Variants in SETBP1 observed in about 807,000 individuals in gnomAD.
The protein encoded by SETBP1 is SET binding protein 1, also known as SET-binding protein.
Under a neutral mutation model 101.0 loss-of-function variants are expected in SETBP1, and 9 were observed. The ratio of observed to expected loss-of-function variants is 0.09; its 90% CI spans 0.05 to 0.16. SETBP1 has a LOEUF of 0.16. SETBP1 is among the 10% of genes least tolerant of loss of function. The probability of loss-of-function intolerance (pLI) is 1.00; values close to 1 mark genes in which losing one functional copy is unlikely to be tolerated. For synonymous variants in SETBP1, 818 were observed against 788.5 expected, an observed-to-expected ratio of 1.04 and a Z score of -0.63; for missense variants, 1,858 against 2,033.8, an observed-to-expected ratio of 0.91 and a Z score of 1.66.
intron 2 of SETBP1, among the ~76,000 whole-genome samples, chr18:44,811,846 T>G (rs765088708): frequency 3.9e-5 from 6 of 152,208 alleles, no homozygotes; most frequent in Non-Finnish European, 5.9e-5. Context: ...AGATCAGAAT[T>G]CTTGAGGTGG....
chr18:45,054,434 C>A (rs188660151), intron 5 of SETBP1, among the ~76,000 whole-genome samples: 22 of 152,302 alleles, frequency 1.4e-4, no homozygotes, highest in Admixed American at 2.6e-4. Flanking sequence ...AATCCACCCA[C>A]CTCAGCCTCC....
intron 1 of SETBP1, among the ~76,000 whole-genome samples, chr18:44,684,873 C>T (rs1052930752): frequency 2.2e-4 from 34 of 152,098 alleles, no homozygotes; most frequent in Non-Finnish European, 4.4e-4. Context: ...TCTTGAACTC[C>T]GGACATCAGG....
chr18:44,859,796 G>T (rs1192068493), intron 2 of SETBP1, among the ~76,000 whole-genome samples: 4 of 152,080 alleles, frequency 2.6e-5, no homozygotes, highest in African/African-American at 7.2e-5. Flanking sequence ...TATTTTTCCT[G>T]CAACTTTTAC....
intron 3 of SETBP1, chr18:44,869,509 T>C (rs1214707428): frequency 1.8e-6 from 1 of 561,100 alleles, no homozygotes; most frequent in Non-Finnish European, 3.2e-6. Context: ...TAATATTCTA[T>C]AGGAGAAAAA....
chr18:44,752,067 C>T (rs560646952), intron 2 of SETBP1, among the ~76,000 whole-genome samples: 35 of 152,196 alleles, frequency 2.3e-4, no homozygotes, highest in African/African-American at 7.7e-4. Context: ...TTTCAACATA[C>T]GGATTCTGGA....
intron 2 of SETBP1, among the ~76,000 whole-genome samples, chr18:44,790,073 G>A (rs1420286223): frequency 6.6e-6 from 1 of 152,106 alleles, no homozygotes; most frequent in African/African-American, 2.4e-5. Context: ...GGTAGCTGCT[G>A]CACAGATTAC....
At position 44,876,733 on chromosome 18, in the gene SETBP1, G is replaced by A. The variant is rs781051739; in HGVS notation, c.540+7450G>A. 12 of 1,540,254 alleles carry A rather than the reference G, an allele frequency of 7.8e-6. No individual in the cohort carries two copies. The South Asian group carries it at 8.5e-5, about 11-fold the overall frequency. ...TCTTCCTTTTCACAGTGAACCTGCAGTCTGGGCACAAGAAGTATAACTTCG... is the reference window on the plus strand; with the variant it reads ...TCTTCCTTTTCACAGTGAACCTGCAATCTGGGCACAAGAAGTATAACTTCG... On this transcript the variant is annotated intron_variant, in intron 3 of 5. Coordinates refer to ENST00000649279, the MANE Select transcript of SETBP1 (RefSeq NM_015559.3).
At chr18:45,012,430 G>A (rs569379757) in intron 4 of SETBP1, among the ~76,000 whole-genome samples, 1 of 152,248 alleles carries the variant, frequency 6.6e-6, no homozygotes, top group East Asian at 1.9e-4. Context: ...GGTGGTGTGA[G>A]TGTGGGGAAT....
In SETBP1 at chr18:44,966,856, C is replaced by T. The variant is rs1338258114; in HGVS notation, c.4000+13516C>T. On this transcript the variant is annotated intron_variant, in intron 4 of 5. Coordinates refer to ENST00000649279, the MANE Select transcript of SETBP1 (RefSeq NM_015559.3). ...AACTTAGGCTCTTAGATGTCCCTTTCCTAGCCCGAAAAATGAAGCTGTTAA... is the reference window on the plus strand; with the variant it reads ...AACTTAGGCTCTTAGATGTCCCTTTTCTAGCCCGAAAAATGAAGCTGTTAA... 5.9e-5 allele frequency among the ~76,000 whole-genome samples: 9 copies of T among 152,276 alleles called. No individual in the cohort carries two copies. The South Asian group carries it at 1.7e-3, about 28-fold the overall frequency.
chr18:44,882,323 A>C (rs908526699), intron 3 of SETBP1, among the ~76,000 whole-genome samples: 8 of 152,166 alleles, frequency 5.3e-5, no homozygotes, highest in Middle Eastern at 3.4e-3. Context: ...GCTAATCATG[A>C]GCACTTTGGT....
intron 2 of SETBP1, among the ~76,000 whole-genome samples, chr18:44,779,694 G>A (rs1312438626): frequency 2.6e-5 from 4 of 152,108 alleles, no homozygotes; most frequent in Non-Finnish European, 4.4e-5. Flanking sequence ...GAGGCCTTGA[G>A]AAAACTCTGA....
At chr18:44,985,971 T>A (rs1243527778) in intron 4 of SETBP1, 1 of 152,104 alleles carries the variant, frequency 6.6e-6, no homozygotes, top group Non-Finnish European at 1.5e-5. Context: ...TATAGATTTT[T>A]AGTTTTAAAG....
intron 3 of SETBP1, chr18:44,871,079 TTG>T (rs2069263305): frequency 6.6e-6 from 1 of 152,128 alleles, no homozygotes; most frequent in African/African-American, 2.4e-5. Flanking sequence ...GTTATTCCAT[TTG>T]CGTGTCATCA....
At chr18:44,857,313 C>A (rs1372683868) in intron 2 of SETBP1, among the ~76,000 whole-genome samples, 1 of 152,188 alleles carries the variant, frequency 6.6e-6, no homozygotes, top group Non-Finnish European at 1.5e-5. Flanking sequence ...GGTAATCTCT[C>A]CCTTTAGTAA....
intron 2 of SETBP1, among the ~76,000 whole-genome samples, chr18:44,726,474 G>A (rs528766800): frequency 6.6e-6 from 1 of 152,330 alleles, no homozygotes; most frequent in African/African-American, 2.4e-5. Flanking sequence ...TTTTGCTGAT[G>A]AGTTAACTGG....
intron 2 of SETBP1, among the ~76,000 whole-genome samples, chr18:44,840,696 C>T (rs551385306): frequency 6.6e-6 from 1 of 152,314 alleles, no homozygotes; most frequent in East Asian, 1.9e-4. Flanking sequence ...GTTCCCAGTT[C>T]CTGAAACTGC....
intron 5 of SETBP1, among the ~76,000 whole-genome samples, chr18:45,050,159 G>A (rs1262971817): frequency 6.6e-6 from 1 of 152,190 alleles, no homozygotes; most frequent in African/African-American, 2.4e-5. Flanking sequence ...AATATACACT[G>A]TAGGTTTTCA....
At chr18:44,722,281 C>A (rs1326532670) in intron 2 of SETBP1, among the ~76,000 whole-genome samples, 3 of 152,114 alleles carry the variant, frequency 2.0e-5, no homozygotes, top group African/African-American at 7.2e-5. Flanking sequence ...TTGGGATATT[C>A]CTAGTCACCA....
In SETBP1 at chr18:44,820,533, G is replaced by A. The variant is rs554137334; in HGVS notation, c.487-48697G>A. ...GATGGGGACCAAGATTGAGACCTGG[G>A]GTTCTTTTCTCCTTTACAAACTGTG... On this transcript the variant is annotated intron_variant, in intron 2 of 5. Coordinates refer to ENST00000649279, the MANE Select transcript of SETBP1 (RefSeq NM_015559.3). Among the ~76,000 whole-genome samples the A allele has an allele frequency of 3.9e-5, 6 of 152,208 alleles. No individual in the cohort carries two copies. The East Asian group carries it at 7.7e-4, about 20-fold the overall frequency.
Sources: gnomAD v4.1 joint callset for allele counts (sites outside exome capture counted in the v4.1 genomes callset) on GRCh38, gnomAD v4.1.1 for gene constraint, MANE v1.5 for transcripts, NCBI Gene and HGNC (gene_info 2026-07-23, HGNC 2026-07-21) for gene names.